Variants in TRHDE observed in about 807,000 individuals in gnomAD.
The protein encoded by TRHDE is thyrotropin-releasing hormone-degrading ectoenzyme.
TRHDE carries 72 observed loss-of-function variants against 125.7 expected under a neutral mutation model. That is an observed-to-expected ratio of 0.57 (90% CI 0.47 to 0.70). TRHDE has a LOEUF of 0.70. TRHDE is among the 30% of genes least tolerant of loss of function. The pLI is 0.00. For missense variants in TRHDE, 1,110 were observed against 1,327.1 expected, an observed-to-expected ratio of 0.84 and a Z score of 2.54; for synonymous variants, 509 against 509.1, an observed-to-expected ratio of 1.00 and a Z score of 0.00.
intron 2 of TRHDE, among the ~76,000 whole-genome samples, chr12:72,362,952 G>C (rs1229364600): frequency 6.6e-6 from 1 of 152,020 alleles, no homozygotes; most frequent in Admixed American, 6.6e-5. Context: ...GTACCATGCT[G>C]TTTTGGTTAC....
intron 2 of TRHDE, among the ~76,000 whole-genome samples, chr12:72,143,012 G>A (rs1419227443): frequency 2.0e-5 from 3 of 152,092 alleles, no homozygotes; most frequent in Non-Finnish European, 4.4e-5. Flanking sequence ...CTGTCACACT[G>A]GCCCTCTGCC....
In TRHDE at chr12:72,121,400, T is replaced by C. The variant is rs147460679; in HGVS notation, n.279+15648T>C. 1.3e-4 allele frequency among the ~76,000 whole-genome samples: 20 copies of C among 152,312 alleles called. No individual in the cohort carries two copies. The East Asian group carries it at 3.9e-3, about 29-fold the overall frequency. On this transcript the variant is annotated intron_variant and non_coding_transcript_variant, in intron 2 of 4. Transcript: ENST00000548156. ...TCTGGAACTCAGGTTCCAACTACTG[T>C]GATGGACAATTCCTTTCTGGCCAGG...
At chr12:72,463,955 T>C (rs1157398298) in intron 3 of TRHDE, among the ~76,000 whole-genome samples, 4 of 152,216 alleles carry the variant, frequency 2.6e-5, no homozygotes, top group Non-Finnish European at 5.9e-5. Flanking sequence ...GTGAGGTTTC[T>C]CCCTGCATGA....
At chr12:72,322,385 GCAAGAAGGCTGC>G (rs1869136709) in intron 2 of TRHDE, among the ~76,000 whole-genome samples, 1 of 152,010 alleles carries the variant, frequency 6.6e-6, no homozygotes, top group South Asian at 2.1e-4. Context: ...GTTTCTCTGT[GCAAGAAGGCTGC>G]CATATACTTT....
At chr12:72,440,206 T>C (rs1874935251) in intron 3 of TRHDE, among the ~76,000 whole-genome samples, 1 of 152,014 alleles carries the variant, frequency 6.6e-6, no homozygotes, top group Non-Finnish European at 1.5e-5. Flanking sequence ...TCAGGAATAT[T>C]GGCCTACAGT....
intron 2 of TRHDE, among the ~76,000 whole-genome samples, chr12:72,228,727 G>A (rs954744932): frequency 6.6e-6 from 1 of 152,156 alleles, no homozygotes; most frequent in Non-Finnish European, 1.5e-5. Context: ...AAAACTGAAT[G>A]CTTTTAACAA....
intron 7 of TRHDE, among the ~76,000 whole-genome samples, chr12:72,546,384 C>A (rs767119449): frequency 3.3e-5 from 5 of 151,584 alleles, no homozygotes; most frequent in Non-Finnish European, 7.4e-5. Context: ...AATAGCCAAG[C>A]CTCTCAAAGA....
intron 1 of TRHDE, among the ~76,000 whole-genome samples, chr12:72,104,441 A>G (rs1875137118): frequency 1.3e-5 from 2 of 152,192 alleles, no homozygotes; most frequent in African/African-American, 2.4e-5. Context: ...GATAAGCTCT[A>G]AATTAAAGTT....
chr12:72,569,475 T>A (rs1032330), intron 10 of TRHDE, among the ~76,000 whole-genome samples: 40,481 of 152,106 alleles, frequency 0.27, 8,127 homozygotes, highest in African/African-American at 0.54. Flanking sequence ...AAAAGCCACA[T>A]ATTTTTTATT....
chr12:72,623,565 A>T (rs1157485570), intron 15 of TRHDE, among the ~76,000 whole-genome samples: 10 of 152,086 alleles, frequency 6.6e-5, no homozygotes, highest in Admixed American at 5.3e-4. Context: ...AAAGAAGTGG[A>T]TCTTAACATT....
At chr12:72,373,698 G>C (rs1871730115) in intron 2 of TRHDE, among the ~76,000 whole-genome samples, 1 of 152,202 alleles carries the variant, frequency 6.6e-6, no homozygotes, top group Non-Finnish European at 1.5e-5. Flanking sequence ...ATCTAAAGAA[G>C]ATGGAGGAAC....
chr12:72,338,711 C>CTGT (rs1418184645), intron 2 of TRHDE, among the ~76,000 whole-genome samples: 1 of 152,110 alleles, frequency 6.6e-6, no homozygotes, highest in Non-Finnish European at 1.5e-5. Flanking sequence ...GATGAAGATG[C>CTGT]TGTTGCTACT....
At chr12:72,171,037 C>G (rs1195876162) in intron 2 of TRHDE, among the ~76,000 whole-genome samples, 1 of 152,136 alleles carries the variant, frequency 6.6e-6, no homozygotes. Context: ...CCAATAAGTT[C>G]TCTTCTATCA....
At chr12:72,526,279 G>A (rs1388821135) in intron 6 of TRHDE, among the ~76,000 whole-genome samples, 1 of 152,042 alleles carries the variant, frequency 6.6e-6, no homozygotes, top group African/African-American at 2.4e-5. Flanking sequence ...GTATTCTACT[G>A]TTGTTTGACT....
intron 6 of TRHDE, among the ~76,000 whole-genome samples, chr12:72,538,668 T>C (rs1868989124): frequency 6.6e-6 from 1 of 151,942 alleles, no homozygotes; most frequent in African/African-American, 2.4e-5. Flanking sequence ...AAACAGCACA[T>C]TTACAAACAG....
intron 2 of TRHDE, among the ~76,000 whole-genome samples, chr12:72,193,855 T>C (rs1253280016): frequency 6.6e-6 from 1 of 152,112 alleles, no homozygotes; most frequent in African/African-American, 2.4e-5. Flanking sequence ...ATGAACAGGA[T>C]CCACACTTCC....
intron 2 of TRHDE, among the ~76,000 whole-genome samples, chr12:72,362,869 A>G (rs1207468931): frequency 6.6e-6 from 1 of 151,964 alleles, no homozygotes; most frequent in Non-Finnish European, 1.5e-5. Context: ...AAGATCGGAT[A>G]GTTGTAGATA....
intron 3 of TRHDE, among the ~76,000 whole-genome samples, chr12:72,383,040 C>T (rs2135782367): frequency 6.6e-6 from 1 of 152,230 alleles, no homozygotes; most frequent in South Asian, 2.1e-4. Context: ...CATAAGTAAC[C>T]AGTGCACGCT....
At chr12:72,118,516 G>A (rs545649711) in intron 2 of TRHDE, among the ~76,000 whole-genome samples, 4 of 151,928 alleles carry the variant, frequency 2.6e-5, no homozygotes, top group East Asian at 1.9e-4. Flanking sequence ...GTAGCTCTTT[G>A]TTGCTGTGTC....
Sources: gnomAD v4.1 joint callset for allele counts (sites outside exome capture counted in the v4.1 genomes callset) on GRCh38, gnomAD v4.1.1 for gene constraint, MANE v1.5 for transcripts, NCBI Gene and HGNC (gene_info 2026-07-23, HGNC 2026-07-21) for gene names.